LMTK3: variants seen among roughly 807,000 people sequenced by gnomAD.
The protein encoded by LMTK3 is lemur tail kinase 3.
Under a neutral mutation model 116.7 loss-of-function variants are expected in LMTK3, and 27 were observed. The observed-to-expected ratio is 0.23, with a 90% CI of 0.17 to 0.32. The LOEUF (loss-of-function observed/expected upper bound fraction) is 0.32. Ranked by LOEUF, LMTK3 falls within the 10% of genes least tolerant of loss-of-function variation. The probability of loss-of-function intolerance (pLI) is 1.00; values close to 1 mark genes in which losing one functional copy is unlikely to be tolerated. For synonymous variants in LMTK3, 965 were observed against 971.0 expected, an observed-to-expected ratio of 0.99 and a Z score of 0.11; for missense variants, 1,764 against 2,068.5, an observed-to-expected ratio of 0.85 and a Z score of 2.86.
rs750630310 is a variant in LMTK3, at chr19:48,497,577, C to T, written c.3492G>A (p.Ala1164=). 6.7e-6 allele frequency: 9 copies of T among 1,343,454 alleles called. No individual in the cohort carries two copies. In the African/African-American group the frequency reaches 7.6e-5, roughly 11 times the overall value. 83.2% of individuals were successfully genotyped at this position (1,343,454 alleles called of 1,614,324 possible). ...CCACCTCCGGCCTGGCTCTCGGGGGCGCTGGCTCCAGCCTCCTCGGCTGTG... is the reference window on the plus strand; with the variant it reads ...CCACCTCCGGCCTGGCTCTCGGGGGTGCTGGCTCCAGCCTCCTCGGCTGTG... The part of the protein sequence containing the change: ...PEAQPRRLEP[A]PPRARPEVAP... The change falls in exon 11 of 15, where the codon GCG becomes GCA. Residue 1164 remains alanine (A), a synonymous_variant. Transcript: ENST00000600059. The surrounding 1 kb of genome is among the most constrained non-coding windows in gnomAD (Gnocchi z 5.7).
intron 12 of LMTK3, among the ~76,000 whole-genome samples, chr19:48,492,493 C>G (rs1972243633): frequency 6.6e-6 from 1 of 152,116 alleles, no homozygotes; most frequent in Non-Finnish European, 1.5e-5. Flanking sequence ...AGGCCTAACT[C>G]TTAACACATT....
At position 48,497,805 on chromosome 19, in the gene LMTK3, G is replaced by T; in HGVS notation, c.3264C>A (p.Thr1088=). The part of the protein sequence containing the change: ...APKNGTLEPG[T]ERRAPETGGA... ...CCCCAGTCTCGGGGGCTCTCCTCTC[G>T]GTCCCGGGTTCCAGCGTCCCGTTCT... Residue 1088 remains threonine, a synonymous_variant, in exon 11 of 15, where the codon ACC becomes ACA. Transcript: ENST00000600059. This position sits in a 1 kb window ranked among gnomAD's most constrained non-coding sequence, Gnocchi z 5.7. The T allele has an allele frequency of 7.3e-7, 1 of 1,374,326 alleles. No homozygotes were observed. The highest frequency in any genetic ancestry group is 1.8e-5 in the South Asian group (1 of 56,300). 85.1% of individuals were successfully genotyped at this position (1,374,326 alleles called of 1,614,324 possible).
chr19:48,499,169 TC>T lies in LMTK3; in HGVS notation c.1899del (p.Thr634ProfsTer56), dbSNP rs1322484495. On this transcript the variant is annotated frameshift_variant, in exon 11 of 15. Transcript: ENST00000600059. LOFTEE classifies it high-confidence loss of function. ...TCTTCTTCTTCCACCCACGGGGCGGTCCCCCGCTCCCCCAAGACCTCGGCAG... is the reference window on the plus strand; with the variant it reads ...TCTTCTTCTTCCACCCACGGGGCGGTCCCCGCTCCCCCAAGACCTCGGCAG... The part of the protein sequence containing the change: ...GDPAEVLGER[G>X]TAPWVEEEEE... 1 of 1,493,186 alleles carries T rather than the reference TC, an allele frequency of 6.7e-7. No homozygotes were observed. The allele number at this position is 1,493,186 out of a possible 1,614,324, so 92.5% of individuals were successfully genotyped here.
rs771710023 is a variant in LMTK3 at position 48,498,804 on chromosome 19, G to T, written c.2265C>A (p.Pro755=). 51 of 1,214,178 alleles carry T rather than the reference G, an allele frequency of 4.2e-5. 1 individual carries two copies. Among genetic ancestry groups the T allele is most frequent in the East Asian group, 6.3e-5 (2 of 31,728 alleles). The allele number at this position is 1,214,178 out of a possible 1,614,324, so 75.2% of individuals were successfully genotyped here. A position where few individuals can be genotyped will look rare whatever the true frequency, so the allele number is the denominator to read the frequency against. The change falls in exon 11 of 15, where the codon CCC becomes CCA. Residue 755 remains proline, a synonymous_variant. Transcript: ENST00000600059. The part of the protein sequence containing the change: ...PGRGPPPAPP[P]PPPPPRAPAD... ...CGGGGGCCCGAGGAGGTGGCGGCGG[G>T]GGGGGGGGAGCGGGAGGTGGCCCCC...
At position 48,493,954 on chromosome 19, in the gene LMTK3, C is replaced by G. The variant is rs1972278258; in HGVS notation, c.3832G>C (p.Gly1278Arg). The change falls in exon 12 of 15, where the codon GGG (glycine) becomes CGG (arginine). Residue 1278 changes from glycine to arginine, a missense_variant. Gly to Arg is a moderately radical substitution (Grantham distance 125). Coordinates refer to ENST00000600059, the MANE Select transcript of LMTK3 (RefSeq NM_001388485.1). Reference protein sequence around the residue: ...AGAPGPAEEDGEDEDEDEEED... With the variant: ...AGAPGPAEEDREDEDEDEEED... ...TCCTCGTCCTCGTCCTCGTCCTCCCCGTCCTCCTCCGCCGGCCCCGGCGCT... is the reference window on the plus strand; with the variant it reads ...TCCTCGTCCTCGTCCTCGTCCTCCCGGTCCTCCTCCGCCGGCCCCGGCGCT... 1.9e-6 allele frequency: 2 copies of G among 1,041,180 alleles called. No homozygotes were observed. Among genetic ancestry groups the G allele is most frequent in the Non-Finnish European group, 2.3e-6 (2 of 869,784 alleles). The allele number at this position is 1,041,180 out of a possible 1,614,324, so 64.5% of individuals were successfully genotyped here.
Position 48,491,894 on chromosome 19 carries a change from C to G in LMTK3, c.4093-355G>C, listed in dbSNP as rs1429021922. On this transcript the variant is annotated intron_variant, in intron 12 of 14. Transcript: ENST00000600059. The surrounding 1 kb of genome is among the most constrained non-coding windows in gnomAD (Gnocchi z 5.1). ...CCCACCCCGTCCACGTCAGTCCCAC[C>G]CACCTCTGAGATCTTGACCTGCTCC... is the stretch of plus-strand genomic sequence containing the variant. Among the ~76,000 whole-genome samples, 1 of 152,120 alleles carries G rather than the reference C, an allele frequency of 6.6e-6. No individual in the cohort carries two copies. The highest frequency in any genetic ancestry group is 2.4e-5 in the African/African-American group (1 of 41,426).
chr19:48,501,685 C>A, intron 7 of LMTK3, 123 bp from the exon 8 acceptor site: 1 of 952,832 alleles, frequency 1.0e-6, no homozygotes. Context: ...TCTGCCCCTT[C>A]CCTCTGATCT....
At chr19:48,487,894 G>A (rs997968329) in intron 14 of LMTK3, among the ~76,000 whole-genome samples, 10 of 152,098 alleles carry the variant, frequency 6.6e-5, no homozygotes, top group African/African-American at 2.4e-4. Context: ...TTTGGGGTAT[G>A]TGGCATCTCT....
chr19:48,510,305 T>A (rs989319903), intron 2 of LMTK3, 132 bp from the exon 3 acceptor site: 11 of 1,403,820 alleles, frequency 7.8e-6, no homozygotes, highest in Non-Finnish European at 7.7e-6. Flanking sequence ...CCATCCCCCA[T>A]TTCCCCATCC....
intron 5 of LMTK3, among the ~76,000 whole-genome samples, chr19:48,505,103 C>CTTTTTTTTT (rs33927563): frequency 3.6e-5 from 2 of 55,572 alleles, no homozygotes; most frequent in Non-Finnish European, 2.9e-5. Context: ...CTCTCTCTCT[C>CTTTTTTTTT]TTTTTTTTTT....
In LMTK3 at chr19:48,499,470, G is replaced by A. The variant is rs1230364221; in HGVS notation, c.1599C>T (p.Ser533=). The change falls in exon 11 of 15, where the codon TCC becomes TCT. Residue 533 remains serine, a synonymous_variant. Transcript: ENST00000600059. ...VLPVISARSP[S]VSSEYYIRLE... The stretch of plus-strand genomic sequence containing the variant: ...AGCGGATGTAGTACTCGCTGCTCAC[G>A]GAGGGGCTGCGGGCGCTGATGACAG... 2.0e-6 allele frequency: 3 copies of A among 1,475,788 alleles called. No homozygotes were observed. The highest frequency in any genetic ancestry group is 1.4e-5 in the African/African-American group (1 of 69,742). 91.4% of individuals were successfully genotyped at this position (1,475,788 alleles called of 1,614,324 possible).
chr19:48,491,019 G>T lies in LMTK3; in HGVS notation c.4366+89C>A. The T allele has an allele frequency of 1.2e-6, 1 of 812,370 alleles. No individual in the cohort carries two copies. Among genetic ancestry groups the T allele is most frequent in the Admixed American group, 4.3e-5 (1 of 23,418 alleles). 50.3% of individuals were successfully genotyped at this position (812,370 alleles called of 1,614,324 possible). A position where few individuals can be genotyped will look rare whatever the true frequency, so the allele number is the denominator to read the frequency against. On this transcript the variant is annotated intron_variant, in intron 14 of 14. Coordinates refer to ENST00000600059, the MANE Select transcript of LMTK3 (RefSeq NM_001388485.1). This position sits in a 1 kb window ranked among gnomAD's most constrained non-coding sequence, Gnocchi z 5.1. Reference sequence around the variant, plus strand: ...AAGAGACTGGGAAGAGAGAGGCAGGGACATTGAAAGATGGTCACAAGAAGT... The same window carrying T: ...AAGAGACTGGGAAGAGAGAGGCAGGTACATTGAAAGATGGTCACAAGAAGT...
Position 48,502,421 on chromosome 19 carries a change from C to T in LMTK3, c.794+12G>A, listed in dbSNP as rs1290099921. 1 of 1,608,342 alleles carries T rather than the reference C, an allele frequency of 6.2e-7. No homozygotes were observed. The highest frequency in any genetic ancestry group is 1.7e-5 in the Admixed American group (1 of 59,596). Reference sequence around the variant, plus strand: ...CTTAGTAGCTCCTCCCGCGGCTCCCCGGCCCGCCCACCTGTGCACGTAGTT... The same window carrying T: ...CTTAGTAGCTCCTCCCGCGGCTCCCTGGCCCGCCCACCTGTGCACGTAGTT... On this transcript the variant is annotated intron_variant, in intron 7 of 14. Transcript: ENST00000600059.
At position 48,501,121 on chromosome 19, in the gene LMTK3, C is replaced by A; in HGVS notation, c.1026G>T (p.Glu342Asp). ...NIWSLGVTLWELFEFGAQPYR... is the reference protein window; with the variant it reads ...NIWSLGVTLWDLFEFGAQPYR... ...AGGGCTGGGCCCCAAACTCAAACAG[C>A]TCCCACAGGGTCACCCCCAGGGACC... Residue 342 changes from glutamate (E) to aspartate (D), a missense_variant, in exon 10 of 15, where the codon GAG becomes GAT. Glu to Asp is a conservative substitution (Grantham distance 45). Coordinates refer to ENST00000600059, the MANE Select transcript of LMTK3 (RefSeq NM_001388485.1). The A allele has an allele frequency of 6.2e-7, 1 of 1,607,314 alleles. No homozygotes were observed. Among genetic ancestry groups the A allele is most frequent in the Non-Finnish European group, 8.5e-7 (1 of 1,176,974 alleles).
At position 48,500,886 on chromosome 19, in the gene LMTK3, G is replaced by C. The variant is rs1364744017; in HGVS notation, c.1151+110C>G. The C allele has an allele frequency of 2.7e-6, 3 of 1,096,064 alleles. No homozygotes were observed. Among genetic ancestry groups the C allele is most frequent in the Non-Finnish European group, 3.8e-6 (3 of 789,836 alleles). The allele number at this position is 1,096,064 out of a possible 1,614,324, so 67.9% of individuals were successfully genotyped here. A position where few individuals can be genotyped will look rare whatever the true frequency, so the allele number is the denominator to read the frequency against. ...GGGACAGCCCCTCTTCACTCTTGAGGGGTATGGAGGGCAAACGGGATGTGG... is the reference window on the plus strand; with the variant it reads ...GGGACAGCCCCTCTTCACTCTTGAGCGGTATGGAGGGCAAACGGGATGTGG... On this transcript the variant is annotated intron_variant, in intron 10 of 14. Coordinates refer to ENST00000600059, the MANE Select transcript of LMTK3 (RefSeq NM_001388485.1). This position sits in a 1 kb window ranked among gnomAD's most constrained non-coding sequence, Gnocchi z 4.0.
chr19:48,489,251 A>G (rs1972178739), intron 14 of LMTK3, among the ~76,000 whole-genome samples: 1 of 152,154 alleles, frequency 6.6e-6, no homozygotes, highest in Admixed American at 6.5e-5. Context: ...ACATTGACTT[A>G]ATTAAGTGCA....
At chr19:48,490,788 G>T (rs971410278) in intron 14 of LMTK3, among the ~76,000 whole-genome samples, 1 of 152,166 alleles carries the variant, frequency 6.6e-6, no homozygotes, top group African/African-American at 2.4e-5. Flanking sequence ...TCAGGATCCG[G>T]CAAGTGCCAG....
intron 11 of LMTK3, among the ~76,000 whole-genome samples, chr19:48,495,457 T>G (rs1202535906): frequency 6.6e-6 from 1 of 152,220 alleles, no homozygotes; most frequent in Non-Finnish European, 1.5e-5. Flanking sequence ...ATTCTCTGCC[T>G]CTTTTCACCC....
Position 48,510,071 on chromosome 19 carries a change from G to A in LMTK3, c.313C>T (p.Leu105=), listed in dbSNP as rs1412682711. Residue 105 remains leucine (L), a synonymous_variant, in exon 3 of 15, where the codon CTG becomes TTG. Transcript: ENST00000600059. ...QSLPDVYILP[L]AEVSLPMPAP... ...GGCATTGGCAGGGAGACCTCAGCCA[G>A]CGGGAGAATGTAGACATCAGGCAGC... The A allele has an allele frequency of 6.2e-7, 1 of 1,613,982 alleles. No individual in the cohort carries two copies. The highest frequency in any genetic ancestry group is 8.5e-7 in the Non-Finnish European group (1 of 1,179,872).
Sources: allele counts gnomAD v4.1 joint callset (sites outside exome capture counted in the v4.1 genomes callset), GRCh38; gene constraint gnomAD v4.1.1; non-coding constraint Gnocchi (gnomAD v3.1); transcripts MANE v1.5; gene names NCBI Gene and HGNC (gene_info 2026-07-23, HGNC 2026-07-21).